The following DPP6 variants were observed in gnomAD, a reference collection of about 807,000 sequenced individuals.
The protein encoded by DPP6 is A-type potassium channel modulatory protein DPP6.
DPP6 carries 69 observed loss-of-function variants against 122.6 expected under a neutral mutation model. The ratio of observed to expected loss-of-function variants is 0.56; its 90% CI spans 0.46 to 0.69. DPP6 has a LOEUF of 0.69. Ranked by LOEUF, DPP6 falls within the 30% of genes least tolerant of loss-of-function variation. The pLI is 0.00. For synonymous variants in DPP6, 418 were observed against 433.1 expected (o/e 0.97, Z 0.43); for missense variants, 928 against 1,116.9 (o/e 0.83, Z 2.41).
intron 1 of DPP6, among the ~76,000 whole-genome samples, chr7:154,089,095 C>T (rs1457535662): frequency 6.6e-6 from 1 of 152,148 alleles, no homozygotes; most frequent in Admixed American, 6.5e-5. Flanking sequence ...TGTCCTCAGA[C>T]AATTCAGAAT....
At chr7:154,579,551 C>T (rs1831906716) in intron 5 of DPP6, among the ~76,000 whole-genome samples, 1 of 152,140 alleles carries the variant, frequency 6.6e-6, no homozygotes, top group Non-Finnish European at 1.5e-5. Context: ...TCACCCCCTG[C>T]CCTGAATGAA....
At chr7:154,603,124 G>A (rs1183320698) in intron 5 of DPP6, among the ~76,000 whole-genome samples, 1 of 118,368 alleles carries the variant, frequency 8.4e-6, no homozygotes, top group African/African-American at 2.7e-5. Context: ...TTTTTCCTTT[G>A]TGTATATGTT....
intron 19 of DPP6, among the ~76,000 whole-genome samples, chr7:154,873,309 G>A (rs914211162): frequency 6.6e-6 from 1 of 152,200 alleles, no homozygotes; most frequent in African/African-American, 2.4e-5. Context: ...CTGAGTCTAG[G>A]TGATGTCCAC....
At chr7:154,304,342 A>C (rs1203592203) in intron 1 of DPP6, among the ~76,000 whole-genome samples, 2 of 152,180 alleles carry the variant, frequency 1.3e-5, no homozygotes, top group Admixed American at 1.3e-4. Flanking sequence ...CTTTCCTTAG[A>C]GTTTGCCACC....
intron 3 of DPP6, among the ~76,000 whole-genome samples, chr7:154,524,011 A>G (rs1827209137): frequency 1.3e-5 from 2 of 152,192 alleles, no homozygotes; most frequent in African/African-American, 2.4e-5. Flanking sequence ...GTTCTGAATT[A>G]ATCACCTCTT....
chr7:154,734,756 A>G (rs2131388773), intron 8 of DPP6, among the ~76,000 whole-genome samples: 1 of 152,346 alleles, frequency 6.6e-6, no homozygotes, highest in Non-Finnish European at 1.5e-5. Flanking sequence ...GTTTAAACAA[A>G]AGCTTCACCA....
At chr7:153,764,600 G>T in the DPP6 span, among the ~76,000 whole-genome samples, 6 of 151,942 alleles carry the variant, frequency 3.9e-5, no homozygotes, top group East Asian at 1.2e-3. Flanking sequence ...CTCATGGGGA[G>T]CTTTTGGAGA....
At chr7:154,530,912 C>T (rs998418489) in intron 3 of DPP6, among the ~76,000 whole-genome samples, 4 of 152,200 alleles carry the variant, frequency 2.6e-5, no homozygotes, top group East Asian at 1.9e-4. Context: ...AACCAAACAC[C>T]GCATGTTCTC....
At position 154,600,536 on chromosome 7, in the gene DPP6, T is replaced by C. The variant is rs551612484; in HGVS notation, c.627+33620T>C. The stretch of plus-strand genomic sequence containing the variant: ...CAGGCACCATGTCAAAAACTTTCTG[T>C]CCAGTATCTCCTTTAATCTTCACAA... On this transcript the variant is annotated intron_variant, in intron 5 of 25. Coordinates refer to ENST00000377770, the MANE Select transcript of DPP6 (RefSeq NM_130797.4). 9.6e-4 allele frequency among the ~76,000 whole-genome samples: 116 copies of C among 121,270 alleles called. 17 individuals are homozygous for C. Among genetic ancestry groups the C allele is most frequent in the African/African-American group, 2.9e-3 (112 of 38,150 alleles). 79.6% of individuals were successfully genotyped at this position (121,270 alleles called of 152,430 possible).
intron 1 of DPP6, among the ~76,000 whole-genome samples, chr7:154,429,325 T>A (rs1449104900): frequency 6.6e-6 from 1 of 152,194 alleles, no homozygotes; most frequent in African/African-American, 2.4e-5. Context: ...ACCACCTAGC[T>A]TCACAGATGG....
At chr7:154,018,985 A>T (rs1219394061) in intron 1 of DPP6, among the ~76,000 whole-genome samples, 1 of 152,236 alleles carries the variant, frequency 6.6e-6, no homozygotes, top group African/African-American at 2.4e-5. Context: ...AAATATGGAA[A>T]AATGCAAAAC....
At chr7:154,138,454 C>G (rs1385021) in intron 1 of DPP6, among the ~76,000 whole-genome samples, 89 of 152,304 alleles carry the variant, frequency 5.8e-4, no homozygotes, top group African/African-American at 2.1e-3. Flanking sequence ...TAGAATTGGA[C>G]AGAGACTAAT....
chr7:154,363,536 G>C (rs1271085598), intron 1 of DPP6, among the ~76,000 whole-genome samples: 1 of 152,228 alleles, frequency 6.6e-6, no homozygotes, highest in Non-Finnish European at 1.5e-5. Context: ...AGGCTTGCAA[G>C]TTCCAGGCTG....
intron 6 of DPP6, among the ~76,000 whole-genome samples, chr7:154,647,341 A>G (rs772969410): frequency 6.7e-6 from 1 of 150,322 alleles, no homozygotes; most frequent in African/African-American, 2.5e-5. Context: ...CTGAGAAATA[A>G]CACTTCTGTC....
intron 1 of DPP6, among the ~76,000 whole-genome samples, chr7:154,046,054 T>C (rs1432972796): frequency 2.6e-5 from 4 of 152,128 alleles, no homozygotes; most frequent in Admixed American, 2.6e-4. Flanking sequence ...AAGACCCACA[T>C]TTCTGCTGGT....
chr7:154,500,006 C>T (rs1015242591), intron 3 of DPP6, among the ~76,000 whole-genome samples: 5 of 152,286 alleles, frequency 3.3e-5, no homozygotes, highest in African/African-American at 9.6e-5. Context: ...ACAATACATG[C>T]TTAGTGCCCC....
chr7:153,925,377 G>T (rs1800840959), intron 1 of DPP6, among the ~76,000 whole-genome samples: 1 of 151,680 alleles, frequency 6.6e-6, no homozygotes, highest in Non-Finnish European at 1.5e-5. Context: ...TCTGATGAAG[G>T]GAGATCATCC....
chr7:154,104,254 G>A (rs538308975), intron 1 of DPP6, among the ~76,000 whole-genome samples: 6 of 152,314 alleles, frequency 3.9e-5, no homozygotes, highest in African/African-American at 1.2e-4. Context: ...CAGCTGCCCC[G>A]GACGGGAAGG....
At chr7:154,713,555 A>G (rs148693408) in intron 7 of DPP6, among the ~76,000 whole-genome samples, 2 of 152,330 alleles carry the variant, frequency 1.3e-5, no homozygotes, top group African/African-American at 4.8e-5. Context: ...TGCAGGCCCA[A>G]CATCACATGG....
Sources: allele counts gnomAD v4.1 joint callset (sites outside exome capture counted in the v4.1 genomes callset), GRCh38; gene constraint gnomAD v4.1.1; transcripts MANE v1.5; gene names NCBI Gene and HGNC (gene_info 2026-07-23, HGNC 2026-07-21).